The following MCHR1 variants were observed in gnomAD, a reference collection of about 807,000 sequenced individuals.
MCHR1 encodes melanin-concentrating hormone receptor 1.
Under a neutral mutation model 20.4 loss-of-function variants are expected in MCHR1, and 13 were observed. That is an observed-to-expected ratio of 0.64 (90% CI 0.41 to 1.01). The LOEUF (loss-of-function observed/expected upper bound fraction) is 1.01, where lower values mean the gene tolerates loss of function less well. Among genes scored for constraint, MCHR1 ranks in the 50% least tolerant of loss-of-function variants. The pLI is 0.00. For missense variants in MCHR1, 472 were observed against 477.0 expected (o/e 0.99, Z 0.10); for synonymous variants, 215 against 204.4 (o/e 1.05, Z -0.44).
intron 1 of MCHR1, 27 bp downstream of exon 1, chr22:40,679,761 T>A (rs1478921852): frequency 6.2e-7 from 1 of 1,613,490 alleles, no homozygotes; most frequent in Non-Finnish European, 8.5e-7. Context: ...CCCTCCCTCC[T>A]CTGGGCTGTG....
In MCHR1 at chr22:40,681,263, A is replaced by C; in HGVS notation, c.397A>C (p.Ile133Leu). The C allele has an allele frequency of 6.2e-7, 1 of 1,614,088 alleles. No homozygotes were observed. The highest frequency in any genetic ancestry group is 2.2e-5 in the East Asian group (1 of 44,880). Reference sequence around the variant, plus strand: ...CAATAGTCAGTTCACCAGCACCTACATCCTGACCGCCATGGCCATTGACCG... The same window carrying C: ...CAATAGTCAGTTCACCAGCACCTACCTCCTGACCGCCATGGCCATTGACCG... ...DANSQFTSTY[I>L]LTAMAIDRYL... The change falls in exon 2 of 2, where the codon ATC becomes CTC. Residue 133 changes from isoleucine (I) to leucine (L), a missense_variant. Physicochemically the swap from Ile to Leu is conservative, Grantham distance 5 (BLOSUM62 2). Transcript: ENST00000249016. This position sits in a 1 kb window ranked among gnomAD's most constrained non-coding sequence, Gnocchi z 4.3.
chr22:40,681,085 G>T lies in MCHR1; in HGVS notation c.219G>T (p.Trp73Cys). 1 of 1,614,040 alleles carries T rather than the reference G, an allele frequency of 6.2e-7. No individual in the cohort carries two copies. The highest frequency in any genetic ancestry group is 8.5e-7 in the Non-Finnish European group (1 of 1,180,008). Residue 73 changes from tryptophan (W) to cysteine (C), a missense_variant, in exon 2 of 2, where the codon TGG becomes TGT. Trp to Cys is a radical substitution (Grantham distance 215). Transcript: ENST00000249016. This position sits in a 1 kb window ranked among gnomAD's most constrained non-coding sequence, Gnocchi z 4.3. ...TCGTGAAGAAGTCCAAGCTGCACTGGTGCAACAACGTCCCCGACATCTTCA... is the reference window on the plus strand; with the variant it reads ...TCGTGAAGAAGTCCAAGCTGCACTGTTGCAACAACGTCCCCGACATCTTCA... ...FAVVKKSKLHWCNNVPDIFII... is the reference protein window; with the variant it reads ...FAVVKKSKLHCCNNVPDIFII...
In MCHR1 at chr22:40,681,557, A is replaced by G; in HGVS notation, c.691A>G (p.Ile231Val). The change falls in exon 2 of 2, where the codon ATC (isoleucine) becomes GTC (valine). Residue 231 changes from isoleucine to valine, a missense_variant. Ile to Val is a conservative substitution (Grantham distance 29). Transcript: ENST00000249016. The surrounding 1 kb of genome is among the most constrained non-coding windows in gnomAD (Gnocchi z 4.3). ...GGTCATCACAGCCGCATACGTGAGG[A>G]TCCTGCAGCGCATGACGTCCTCAGT... Reference protein sequence around the residue: ...FVVITAAYVRILQRMTSSVAP... With the variant: ...FVVITAAYVRVLQRMTSSVAP... The G allele has an allele frequency of 1.2e-6, 2 of 1,613,360 alleles. No individual in the cohort carries two copies. Among genetic ancestry groups the G allele is most frequent in the Non-Finnish European group, 1.7e-6 (2 of 1,180,034 alleles).
intron 1 of MCHR1, 24 bp from the exon 2 acceptor site, chr22:40,680,925 A>G: frequency 6.2e-7 from 1 of 1,613,034 alleles, no homozygotes; most frequent in Middle Eastern, 1.6e-4. Flanking sequence ...TCAAACAGCC[A>G]ACGCTTGCTC....
chr22:40,679,748 G>A lies in MCHR1; in HGVS notation c.82+14G>A. On this transcript the variant is annotated intron_variant, in intron 1 of 1. Coordinates refer to ENST00000249016, the MANE Select transcript of MCHR1 (RefSeq NM_005297.4). ...TCACTTCGGCAGGTGAGTTGACTGG[G>A]AGCCCTCCCTCCTCTGGGCTGTGGG... 6.2e-7 allele frequency: 1 copy of A among 1,613,994 alleles called. No individual in the cohort carries two copies. Among genetic ancestry groups the A allele is most frequent in the Non-Finnish European group, 8.5e-7 (1 of 1,179,956 alleles).
In MCHR1 at chr22:40,682,583, G is replaced by A. The variant is rs11575923; in HGVS notation, c.*655G>A. On this transcript the variant is annotated 3_prime_UTR_variant, in exon 2 of 2. Transcript: ENST00000249016. The stretch of plus-strand genomic sequence containing the variant: ...CTTACTGAAAACAAGGAGACCTGGG[G>A]TGGGTGTGGTTGGGGGTCTTAAAAC... The A allele has an allele frequency of 5.1e-4, 80 of 156,890 alleles. No individual in the cohort carries two copies. The highest frequency in any genetic ancestry group is 1.0e-3 in the Non-Finnish European group (72 of 70,506). 9.7% of individuals were successfully genotyped at this position (156,890 alleles called of 1,614,324 possible).
chr22:40,679,885 G>A lies in MCHR1; in HGVS notation c.82+151G>A, dbSNP rs916038824. On this transcript the variant is annotated intron_variant, in intron 1 of 1. Transcript: ENST00000249016. ...GCTCTGAGGGGCAGGAGAAAAGGGG[G>A]CAATGGTCCGCAGGGGCAGACGGGC... 6 of 908,686 alleles carry A rather than the reference G, an allele frequency of 6.6e-6. No individual in the cohort carries two copies. In the South Asian group the frequency reaches 6.9e-5, roughly 10 times the overall value. 56.3% of individuals were successfully genotyped at this position (908,686 alleles called of 1,614,324 possible). A position where few individuals can be genotyped will look rare whatever the true frequency, so the allele number is the denominator to read the frequency against.
chr22:40,679,782 G>A, intron 1 of MCHR1, 48 bp downstream of exon 1: 1 of 1,602,562 alleles, frequency 6.2e-7, no homozygotes, highest in Non-Finnish European at 8.5e-7. Flanking sequence ...GGTGGAAAAT[G>A]GGAAGGTTTC....
Position 40,681,542 on chromosome 22 carries a change from G to A in MCHR1, c.676G>A (p.Ala226Thr). The change falls in exon 2 of 2, where the codon GCC (alanine) becomes ACC (threonine). Residue 226 changes from alanine (A) to threonine (T), a missense_variant. Transcript: ENST00000249016. The surrounding 1 kb of genome is among the most constrained non-coding windows in gnomAD (Gnocchi z 4.3). ...TGCCCTGCCTTTTGTGGTCATCACA[G>A]CCGCATACGTGAGGATCCTGCAGCG... The part of the protein sequence containing the change: ...AFALPFVVIT[A>T]AYVRILQRMT... 1 of 1,612,898 alleles carries A rather than the reference G, an allele frequency of 6.2e-7. No homozygotes were observed. Among genetic ancestry groups the A allele is most frequent in the East Asian group, 2.2e-5 (1 of 44,888 alleles).
chr22:40,681,545 G>A lies in MCHR1; in HGVS notation c.679G>A (p.Ala227Thr), dbSNP rs149149384. The change falls in exon 2 of 2, where the codon GCA becomes ACA. Residue 227 changes from alanine to threonine, a missense_variant. Coordinates refer to ENST00000249016, the MANE Select transcript of MCHR1 (RefSeq NM_005297.4). This position sits in a 1 kb window ranked among gnomAD's most constrained non-coding sequence, Gnocchi z 4.3. ...CCTGCCTTTTGTGGTCATCACAGCC[G>A]CATACGTGAGGATCCTGCAGCGCAT... ...FALPFVVITA[A>T]YVRILQRMTS... is the part of the protein sequence containing the mutation. 105 of 1,612,852 alleles carry A rather than the reference G, an allele frequency of 6.5e-5. No homozygotes were observed. In the African/African-American group the frequency reaches 9.1e-4, roughly 14 times the overall value.
rs761019282 is a variant in MCHR1, at chr22:40,682,372, CCT to C, written c.*448_*449del. The stretch of plus-strand genomic sequence containing the variant: ...GAAAGGGCCCGATCGCTCTTTCCCG[CCT>C]CTCACTGGTGCGATGGAAGGTGGCC... On this transcript the variant is annotated 3_prime_UTR_variant, in exon 2 of 2. Transcript: ENST00000249016. 3 of 189,924 alleles carry C rather than the reference CCT, an allele frequency of 1.6e-5. No individual in the cohort carries two copies. The highest frequency in any genetic ancestry group is 2.4e-4 in the East Asian group (2 of 8,398). 11.8% of individuals were successfully genotyped at this position (189,924 alleles called of 1,614,324 possible). A position where few individuals can be genotyped will look rare whatever the true frequency, so the allele number is the denominator to read the frequency against.
rs764292808 is a variant in MCHR1 at position 40,681,188 on chromosome 22, GTGTGGCACTTTGGGGAGACCA to G, written c.327_347del (p.Trp109_Met115del). 1.2e-6 allele frequency: 2 copies of G among 1,614,120 alleles called. No individual in the cohort carries two copies. The highest frequency in any genetic ancestry group is 1.7e-6 in the Non-Finnish European group (2 of 1,180,024). On this transcript the variant is annotated inframe_deletion, in exon 2 of 2. Coordinates refer to ENST00000249016, the MANE Select transcript of MCHR1 (RefSeq NM_005297.4). The surrounding 1 kb of genome is among the most constrained non-coding windows in gnomAD (Gnocchi z 4.3). Reference sequence around the variant, plus strand: ...GATCCACCAGCTCATGGGCAATGGGGTGTGGCACTTTGGGGAGACCATGTGCACCCTCATCACGGCCATGGA... The same window carrying G: ...GATCCACCAGCTCATGGGCAATGGGGTGTGCACCCTCATCACGGCCATGGA...
chr22:40,680,839 A>G (rs1031487063), intron 1 of MCHR1, 110 bp from the exon 2 acceptor site: 1 of 1,584,824 alleles, frequency 6.3e-7, no homozygotes, highest in African/African-American at 1.3e-5. Flanking sequence ...ATGGTGGGAG[A>G]GGATTCCAGA....
Position 40,681,227 on chromosome 22 carries a change from G to T in MCHR1, c.361G>T (p.Ala121Ser), listed in dbSNP as rs1602543981. Residue 121 changes from alanine to serine, a missense_variant, in exon 2 of 2, where the codon GCC (alanine) becomes TCC (serine). Coordinates refer to ENST00000249016, the MANE Select transcript of MCHR1 (RefSeq NM_005297.4). The surrounding 1 kb of genome is among the most constrained non-coding windows in gnomAD (Gnocchi z 4.3). ...FGETMCTLITAMDANSQFTST... is the reference protein window; with the variant it reads ...FGETMCTLITSMDANSQFTST... ...GGAGACCATGTGCACCCTCATCACG[G>T]CCATGGATGCCAATAGTCAGTTCAC... 6.2e-7 allele frequency: 1 copy of T among 1,613,944 alleles called. No homozygotes were observed. The highest frequency in any genetic ancestry group is 8.5e-7 in the Non-Finnish European group (1 of 1,180,038).
At chr22:40,680,894 G>C in intron 1 of MCHR1, 55 bp from the exon 2 acceptor site, 1 of 1,607,698 alleles carries the variant, frequency 6.2e-7, no homozygotes. Flanking sequence ...CAGGATGTCA[G>C]TTCTCAGAGC....
chr22:40,680,415 G>A (rs2056873022), intron 1 of MCHR1, among the ~76,000 whole-genome samples: 2 of 152,150 alleles, frequency 1.3e-5, no homozygotes, highest in Non-Finnish European at 2.9e-5. Flanking sequence ...TCCCCGCTAG[G>A]AAGCCTGGGG....
At position 40,682,146 on chromosome 22, in the gene MCHR1, G is replaced by A. The variant is rs199629525; in HGVS notation, c.*218G>A. On this transcript the variant is annotated 3_prime_UTR_variant, in exon 2 of 2. Transcript: ENST00000249016. ...TCAGATATCAGAAATCCCCTTGGGG[G>A]AGCAGGATGAGACCTTTGGATAGAA... 2 of 613,016 alleles carry A rather than the reference G, an allele frequency of 3.3e-6. No homozygotes were observed. Among genetic ancestry groups the A allele is most frequent in the Non-Finnish European group, 5.8e-6 (2 of 346,992 alleles). 38.0% of individuals were successfully genotyped at this position (613,016 alleles called of 1,614,324 possible).
Position 40,681,444 on chromosome 22 carries a change from G to A in MCHR1, c.578G>A (p.Gly193Asp). ...RLIPFPGGAV[G>D]CGIRLPNPDT... ...ATCCCCTTCCCAGGAGGTGCAGTGGGCTGCGGCATACGCCTGCCCAACCCA... is the reference window on the plus strand; with the variant it reads ...ATCCCCTTCCCAGGAGGTGCAGTGGACTGCGGCATACGCCTGCCCAACCCA... The change falls in exon 2 of 2, where the codon GGC becomes GAC. Residue 193 changes from glycine to aspartate, a missense_variant. Coordinates refer to ENST00000249016, the MANE Select transcript of MCHR1 (RefSeq NM_005297.4). This position sits in a 1 kb window ranked among gnomAD's most constrained non-coding sequence, Gnocchi z 4.3. The A allele has an allele frequency of 6.2e-7, 1 of 1,613,680 alleles. No homozygotes were observed.
At position 40,682,697 on chromosome 22, in the gene MCHR1, T is replaced by C. The variant is rs2056887504; in HGVS notation, c.*769T>C. The C allele has an allele frequency of 6.5e-6, 1 of 153,138 alleles. No individual in the cohort carries two copies. The highest frequency in any genetic ancestry group is 1.9e-4 in the East Asian group (1 of 5,172). 9.5% of individuals were successfully genotyped at this position (153,138 alleles called of 1,614,324 possible). A position where few individuals can be genotyped will look rare whatever the true frequency, so the allele number is the denominator to read the frequency against. ...TGCTCAGTCACTAATCCAGCTTGAG[T>C]GTCCGTGTGTTCTGCATGTGCAGGG... is the stretch of plus-strand genomic sequence containing the variant. On this transcript the variant is annotated 3_prime_UTR_variant, in exon 2 of 2. Coordinates refer to ENST00000249016, the MANE Select transcript of MCHR1 (RefSeq NM_005297.4).
Sources: gnomAD v4.1 joint callset for allele counts (sites outside exome capture counted in the v4.1 genomes callset) on GRCh38, gnomAD v4.1.1 for gene constraint, Gnocchi (gnomAD v3.1) non-coding constraint, MANE v1.5 for transcripts, NCBI Gene and HGNC (gene_info 2026-07-23, HGNC 2026-07-21) for gene names.